The following CA10 variants were observed in gnomAD, a reference collection of about 807,000 sequenced individuals.
CA10 encodes the protein carbonic anhydrase 10 (inactive), also known as carbonic anhydrase-related protein 10.
CA10 carries 14 observed loss-of-function variants against 44.2 expected under a neutral mutation model. The ratio of observed to expected loss-of-function variants is 0.32; its 90% CI spans 0.21 to 0.50. The LOEUF (loss-of-function observed/expected upper bound fraction) is 0.50. Among genes scored for constraint, CA10 ranks in the 20% least tolerant of loss-of-function variants. The pLI is 0.99. For synonymous variants in CA10, 159 were observed against 141.6 expected, an observed-to-expected ratio of 1.12 and a Z score of -0.87; for missense variants, 350 against 409.7, an observed-to-expected ratio of 0.85 and a Z score of 1.26.
chr17:51,951,014 G>T (rs1376127144), intron 2 of CA10, among the ~76,000 whole-genome samples: 3 of 152,154 alleles, frequency 2.0e-5, no homozygotes, highest in East Asian at 3.9e-4. Flanking sequence ...TTCCATTTTG[G>T]AAATCACCAA....
At chr17:51,641,351 A>G (rs957400312) in intron 6 of CA10, among the ~76,000 whole-genome samples, 1 of 152,168 alleles carries the variant, frequency 6.6e-6, no homozygotes, top group Non-Finnish European at 1.5e-5. Context: ...AGGATACCAA[A>G]CAGTCCTGGA....
chr17:51,902,009 T>C (rs758268582), intron 3 of CA10, among the ~76,000 whole-genome samples: 3 of 152,180 alleles, frequency 2.0e-5, no homozygotes, highest in Non-Finnish European at 2.9e-5. Context: ...ATAGTACTAA[T>C]AGCTGCTGGT....
intron 3 of CA10, among the ~76,000 whole-genome samples, chr17:51,760,148 G>T (rs148317666): frequency 1.2e-3 from 189 of 152,324 alleles, no homozygotes; most frequent in African/African-American, 4.2e-3. Flanking sequence ...CAGGACACTG[G>T]CAGGGTCCAT....
chr17:52,086,731 G>A (rs990179697), intron 1 of CA10, among the ~76,000 whole-genome samples: 6 of 152,174 alleles, frequency 3.9e-5, no homozygotes, highest in East Asian at 1.9e-4. Flanking sequence ...TGCAGCCAGA[G>A]TGGTTATAAC....
At chr17:52,072,646 TC>T (rs2143138816) in intron 1 of CA10, among the ~76,000 whole-genome samples, 1 of 148,402 alleles carries the variant, frequency 6.7e-6, no homozygotes, top group African/African-American at 2.5e-5. Context: ...TGTATTTAAG[TC>T]CCCTGCTACC....
At chr17:51,784,023 G>A (rs1906161468) in intron 3 of CA10, among the ~76,000 whole-genome samples, 1 of 152,232 alleles carries the variant, frequency 6.6e-6, no homozygotes, top group African/African-American at 2.4e-5. Context: ...TACAGGGAGG[G>A]AACTGCTTCA....
rs952484221 is a variant in CA10, at chr17:51,820,389, A to T, written c.280-72571T>A. On this transcript the variant is annotated intron_variant, in intron 3 of 8. Transcript: ENST00000451037. ...TGAAGGCAATGAACTTGTTTTATAA[A>T]CCTGGGGATTCCCCTACCCCCCCCC... Among the ~76,000 whole-genome samples the T allele has an allele frequency of 3.1e-5, 4 of 129,316 alleles. No individual in the cohort carries two copies. In the East Asian group the frequency reaches 9.2e-4, roughly 30 times the overall value. The allele number at this position is 129,316 out of a possible 152,430, so 84.8% of individuals were successfully genotyped here. A position where few individuals can be genotyped will look rare whatever the true frequency, so the allele number is the denominator to read the frequency against.
intron 3 of CA10, among the ~76,000 whole-genome samples, chr17:51,781,677 T>C (rs965799609): frequency 6.6e-6 from 1 of 152,224 alleles, no homozygotes; most frequent in Non-Finnish European, 1.5e-5. Flanking sequence ...AAGATGTCTT[T>C]GTATCTGTTT....
chr17:51,679,701 T>C (rs1264532901), intron 4 of CA10, among the ~76,000 whole-genome samples: 1 of 152,004 alleles, frequency 6.6e-6, no homozygotes, highest in Non-Finnish European at 1.5e-5. Context: ...AGACTCCGTA[T>C]TTCTAAGAGC....
Position 51,636,026 on chromosome 17 carries a change from G to A in CA10, c.635-17C>T. 2.6e-6 allele frequency: 4 copies of A among 1,529,296 alleles called. No homozygotes were observed. Among genetic ancestry groups the A allele is most frequent in the Non-Finnish European group, 3.5e-6 (4 of 1,131,026 alleles). The allele number at this position is 1,529,296 out of a possible 1,614,324, so 94.7% of individuals were successfully genotyped here. A position where few individuals can be genotyped will look rare whatever the true frequency, so the allele number is the denominator to read the frequency against. On this transcript the variant is annotated splice_polypyrimidine_tract_variant and intron_variant, in intron 6 of 8. Transcript: ENST00000451037. ...ATGCATCATCTAGAGAAGGAAAGAA[G>A]ACTTAAAAATTAGGTTTCTTGAGAA...
At chr17:51,800,336 T>C (rs886805697) in intron 3 of CA10, among the ~76,000 whole-genome samples, 1 of 152,186 alleles carries the variant, frequency 6.6e-6, no homozygotes, top group Non-Finnish European at 1.5e-5. Context: ...TGTCTAAGTC[T>C]GGGTGGGTCA....
intron 1 of CA10, among the ~76,000 whole-genome samples, chr17:52,154,742 T>C (rs142268753): frequency 4.5e-3 from 680 of 152,344 alleles, no homozygotes; most frequent in Middle Eastern, 0.044. Context: ...CCTAGCTATG[T>C]TGCATTAAGT....
At chr17:51,668,686 C>T (rs1255715123) in intron 4 of CA10, among the ~76,000 whole-genome samples, 1 of 152,192 alleles carries the variant, frequency 6.6e-6, no homozygotes, top group Non-Finnish European at 1.5e-5. Context: ...TTGAGGAGCC[C>T]TTCAGCCCGC....
intron 1 of CA10, among the ~76,000 whole-genome samples, chr17:52,096,867 C>T (rs1168243624): frequency 6.6e-6 from 1 of 152,118 alleles, no homozygotes; most frequent in Non-Finnish European, 1.5e-5. Context: ...TGCATCTAGC[C>T]CTATCTATCC....
chr17:51,790,445 CATA>C (rs1173675482), intron 3 of CA10, among the ~76,000 whole-genome samples: 2 of 152,234 alleles, frequency 1.3e-5, no homozygotes, highest in Non-Finnish European at 2.9e-5. Flanking sequence ...TTGGCAAATC[CATA>C]ATGATTCACC....
chr17:52,031,336 G>A (rs1173233695), intron 2 of CA10, among the ~76,000 whole-genome samples: 2 of 151,982 alleles, frequency 1.3e-5, no homozygotes, highest in Non-Finnish European at 2.9e-5. Context: ...TTTTAGTAGA[G>A]ATGGGGTTTT....
intron 3 of CA10, among the ~76,000 whole-genome samples, chr17:51,759,671 C>T (rs1341049843): frequency 1.3e-5 from 2 of 152,010 alleles, no homozygotes; most frequent in African/African-American, 4.8e-5. Context: ...CCCCATTCTG[C>T]CTCAGTAGGT....
At chr17:51,886,587 T>C (rs1465421097) in intron 3 of CA10, among the ~76,000 whole-genome samples, 1 of 152,176 alleles carries the variant, frequency 6.6e-6, no homozygotes, top group Non-Finnish European at 1.5e-5. Flanking sequence ...TGGTCAGCCA[T>C]TGTGTTGGTT....
chr17:51,638,589 C>T (rs2143224263), intron 6 of CA10, among the ~76,000 whole-genome samples: 1 of 152,310 alleles, frequency 6.6e-6, no homozygotes, highest in African/African-American at 2.4e-5. Flanking sequence ...AATAAGTTAA[C>T]ATTGGATATC....
Sources: gnomAD v4.1 joint callset for allele counts (sites outside exome capture counted in the v4.1 genomes callset) on GRCh38, gnomAD v4.1.1 for gene constraint, MANE v1.5 for transcripts, NCBI Gene and HGNC (gene_info 2026-07-23, HGNC 2026-07-21) for gene names.